The following LEMD1 variants were observed in gnomAD, a reference collection of about 807,000 sequenced individuals.
The protein encoded by LEMD1 is LEM domain-containing protein 1.
In LEMD1, 18 loss-of-function variants were observed where a neutral mutation model predicts 17.4. The ratio of observed to expected loss-of-function variants is 1.04; its 90% CI spans 0.72 to 1.54. The LOEUF is 1.54. Ranked by LOEUF, LEMD1 falls within the 40% of genes most tolerant of loss-of-function variation. The pLI is 0.00. For synonymous variants in LEMD1, 88 were observed against 77.8 expected (o/e 1.13, Z -0.69); for missense variants, 195 against 210.4 (o/e 0.93, Z 0.45).
intron 4 of LEMD1, among the ~76,000 whole-genome samples, chr1:205,404,797 C>T (rs1049973080): frequency 4.6e-5 from 7 of 151,766 alleles, no homozygotes; most frequent in South Asian, 2.1e-4. Flanking sequence ...TTCCTAGTCT[C>T]GATGGTCTTT....
intron 4 of LEMD1, among the ~76,000 whole-genome samples, chr1:205,388,020 G>A (rs1226756467): frequency 2.0e-5 from 3 of 152,286 alleles, no homozygotes; most frequent in African/African-American, 4.8e-5. Context: ...GGCATGGAGC[G>A]TTTAAGTAGC....
At chr1:205,409,424 T>C (rs1665280996) in intron 4 of LEMD1, among the ~76,000 whole-genome samples, 1 of 152,322 alleles carries the variant, frequency 6.6e-6, no homozygotes, top group Middle Eastern at 3.4e-3. Flanking sequence ...TGCCTCTTAT[T>C]ACATATACAT....
At chr1:205,422,668 C>T (rs1665995645), upstream of LEMD1, among the ~76,000 whole-genome samples, 1 of 152,102 alleles carries the variant, frequency 6.6e-6, no homozygotes, top group East Asian at 1.9e-4. Context: ...AAGGAAAGAT[C>T]GGTGAGACTA....
Position 205,448,424 on chromosome 1 carries a change from T to C in LEMD1, c.-39+1444A>G, listed in dbSNP as rs775323806. 9.4e-6 allele frequency: 5 copies of C among 533,192 alleles called. No individual in the cohort carries two copies. Among genetic ancestry groups the C allele is most frequent in the Admixed American group, 1.9e-5 (1 of 51,402 alleles). The allele number at this position is 533,192 out of a possible 1,614,324, so 33.0% of individuals were successfully genotyped here. On this transcript the variant is annotated intron_variant, in intron 1 of 3. Coordinates refer to the LEMD1 transcript ENST00000367154. This position sits in a 1 kb window ranked among gnomAD's most constrained non-coding sequence, Gnocchi z 4.7. ...GAGGGGTCCAGCGGCAGGAATCTCA[T>C]AGGGAAGCGAGAAGCTGGGGCACCC...
rs760788980 is a variant in LEMD1 at position 205,416,210 on chromosome 1, C to T, written c.270+22G>A. On this transcript the variant is annotated intron_variant, in intron 4 of 5. Coordinates refer to ENST00000367153, the MANE Select transcript of LEMD1 (RefSeq NM_001199050.2). ...TTTTTAATATATGGGTATAAGTATT[C>T]AGGCATTAGAATGGTACATACTTTT... 7.5e-6 allele frequency: 11 copies of T among 1,464,788 alleles called. No individual in the cohort carries two copies. The Admixed American group carries it at 1.4e-4, about 18-fold the overall frequency. The allele number at this position is 1,464,788 out of a possible 1,614,324, so 90.7% of individuals were successfully genotyped here.
intron 4 of LEMD1, among the ~76,000 whole-genome samples, chr1:205,407,848 C>T (rs1172706603): frequency 6.6e-6 from 1 of 152,156 alleles, no homozygotes; most frequent in Non-Finnish European, 1.5e-5. Flanking sequence ...CAGAATTCTA[C>T]TGAATTGTTG....
At chr1:205,390,087 G>A (rs1664256887) in intron 4 of LEMD1, among the ~76,000 whole-genome samples, 1 of 152,134 alleles carries the variant, frequency 6.6e-6, no homozygotes, top group Admixed American at 6.5e-5. Context: ...AGGGGAGGTG[G>A]CTCACGCCTG....
At chr1:205,392,407 T>C (rs1416829561) in intron 4 of LEMD1, among the ~76,000 whole-genome samples, 1 of 151,760 alleles carries the variant, frequency 6.6e-6, no homozygotes, top group Non-Finnish European at 1.5e-5. Flanking sequence ...CCAGGCATGA[T>C]GGTGTGTGCC....
At chr1:205,435,456 C>T (rs1482669876) in intron 1 of LEMD1, 1 of 152,140 alleles carries the variant, frequency 6.6e-6, no homozygotes, top group Non-Finnish European at 1.5e-5. Context: ...ACTTTTCAGC[C>T]TGGAGAATAT....
intron 1 of LEMD1, among the ~76,000 whole-genome samples, chr1:205,440,010 C>T (rs7538715): frequency 0.88 from 133,421 of 151,934 alleles, 59,574 homozygotes; most frequent in East Asian, 0.99. Context: ...GAGGTCCCCC[C>T]ACCCTAAGAG....
chr1:205,447,817 G>A (rs1666429465), intron 1 of LEMD1, among the ~76,000 whole-genome samples: 2 of 152,150 alleles, frequency 1.3e-5, no homozygotes, highest in Admixed American at 1.3e-4. Context: ...GGCCGGCATG[G>A]AGTGTTCCCA....
chr1:205,408,739 A>T (rs1347898486), intron 4 of LEMD1, among the ~76,000 whole-genome samples: 3 of 151,758 alleles, frequency 2.0e-5, no homozygotes, highest in African/African-American at 7.3e-5. Context: ...GGCTCAAGTG[A>T]TCCTCCCTCC....
intron 1 of LEMD1, among the ~76,000 whole-genome samples, chr1:205,446,324 T>C (rs539209012): frequency 6.6e-6 from 1 of 152,270 alleles, no homozygotes; most frequent in African/African-American, 2.4e-5. Flanking sequence ...CTCGGGTGAG[T>C]TGCTGAGCTG....
At chr1:205,413,608 TTTTTTG>T (rs1196259693) in intron 4 of LEMD1, among the ~76,000 whole-genome samples, 1 of 148,992 alleles carries the variant, frequency 6.7e-6, no homozygotes, top group Non-Finnish European at 1.5e-5. Context: ...TTTTTTTTTT[TTTTTTG>T]GAGATATGAG....
chr1:205,386,775 C>T (rs12135649), intron 4 of LEMD1: 9,666 of 152,268 alleles, frequency 0.063, 406 homozygotes, highest in East Asian at 0.11. Context: ...CTTCCAGGAA[C>T]AGGGAAGCAA....
At chr1:205,446,218 C>T (rs1311404156) in intron 1 of LEMD1, among the ~76,000 whole-genome samples, 3 of 152,196 alleles carry the variant, frequency 2.0e-5, no homozygotes, top group South Asian at 2.1e-4. Context: ...AGGCCTGTCC[C>T]ATTGGCAGTA....
intron 4 of LEMD1, among the ~76,000 whole-genome samples, chr1:205,402,454 T>C: frequency 6.6e-6 from 1 of 152,246 alleles, no homozygotes; most frequent in East Asian, 1.9e-4. Flanking sequence ...TATTTTATTC[T>C]CTTTGAAGCA....
At position 205,422,006 on chromosome 1, in the gene LEMD1, C is replaced by T. The variant is rs1164451618; in HGVS notation, c.-55G>A. On this transcript the variant is annotated 5_prime_UTR_variant, in exon 1 of 6. Coordinates refer to ENST00000367153, the MANE Select transcript of LEMD1 (RefSeq NM_001199050.2). Reference sequence around the variant, plus strand: ...TTCACTTACCCCTTCACATGGTTATCTAAAGTCTATGCAATCGAGTTGGTT... The same window carrying T: ...TTCACTTACCCCTTCACATGGTTATTTAAAGTCTATGCAATCGAGTTGGTT... 1.3e-5 allele frequency: 2 copies of T among 152,194 alleles called. No individual in the cohort carries two copies. Among genetic ancestry groups the T allele is most frequent in the African/African-American group, 4.8e-5 (2 of 41,444 alleles). 9.4% of individuals were successfully genotyped at this position (152,194 alleles called of 1,614,324 possible).
At chr1:205,420,641 C>A in intron 1 of LEMD1, 67 bp from the exon 2 acceptor site, 1 of 865,408 alleles carries the variant, frequency 1.2e-6, no homozygotes, top group South Asian at 1.4e-5. Flanking sequence ...TGTTACCAAT[C>A]CACATAAGTG....
Sources: gnomAD v4.1 joint callset for allele counts (sites outside exome capture counted in the v4.1 genomes callset) on GRCh38, gnomAD v4.1.1 for gene constraint, Gnocchi (gnomAD v3.1) non-coding constraint, MANE v1.5 for transcripts, NCBI Gene and HGNC (gene_info 2026-07-23, HGNC 2026-07-21) for gene names.